The following ARAP2 variants were observed in gnomAD, a reference collection of about 807,000 sequenced individuals.
ARAP2 encodes arf-GAP with Rho-GAP domain, ANK repeat and PH domain-containing protein 2.
A neutral mutation model predicts 194.5 loss-of-function variants in ARAP2; 148 were observed. That is an observed-to-expected ratio of 0.76 (90% CI 0.67 to 0.87). The LOEUF (loss-of-function observed/expected upper bound fraction) is 0.87, where lower values mean the gene tolerates loss of function less well. Among genes scored for constraint, ARAP2 ranks in the 40% least tolerant of loss-of-function variants. ARAP2 has a pLI of 0.00. For missense variants in ARAP2, 2,128 were observed against 1,989.7 expected (o/e 1.07, Z -1.32); for synonymous variants, 695 against 683.5 (o/e 1.02, Z -0.26).
chr4:36,158,427 T>C (rs1479579226), intron 15 of ARAP2, among the ~76,000 whole-genome samples: 1 of 152,138 alleles, frequency 6.6e-6, no homozygotes, highest in Non-Finnish European at 1.5e-5. Context: ...GGGGTGTCCA[T>C]CCCTAAGGAA....
downstream of ARAP2, chr4:36,065,959 CAAT>C (rs906664967): frequency 2.0e-5 from 3 of 152,182 alleles, no homozygotes; most frequent in African/African-American, 7.2e-5. Flanking sequence ...ATCTATTTCA[CAAT>C]AACAACCTTC....
intron 5 of ARAP2, among the ~76,000 whole-genome samples, chr4:36,028,784 T>C (rs538054646): frequency 4.3e-4 from 65 of 152,090 alleles, no homozygotes; most frequent in African/African-American, 1.5e-3. Context: ...ATCTCCTTGG[T>C]TGGTTATTTT....
intron 5 of ARAP2, among the ~76,000 whole-genome samples, chr4:36,026,802 T>C (rs1464419452): frequency 6.6e-6 from 1 of 152,246 alleles, no homozygotes; most frequent in African/African-American, 2.4e-5. Flanking sequence ...AGGCACTTTC[T>C]TGAGCTGAGA....
chr4:36,068,434 T>C (rs1726023662), intron 32 of ARAP2, among the ~76,000 whole-genome samples, 156 bp from the exon 33 acceptor site: 1 of 152,234 alleles, frequency 6.6e-6, no homozygotes, highest in Non-Finnish European at 1.5e-5. Context: ...CATGTCTGAA[T>C]TTATATACTA....
chr4:36,187,359 T>G (rs566218610), intron 8 of ARAP2, 92 bp downstream of exon 8: 60 of 654,656 alleles, frequency 9.2e-5, no homozygotes, highest in Non-Finnish European at 1.3e-4. Context: ...GTAATATATT[T>G]AAAGGTTTCT....
chr4:36,107,606 A>G lies in ARAP2; in HGVS notation c.4244T>C (p.Val1415Ala), dbSNP rs1437348255. Reference sequence around the variant, plus strand: ...TGTGTCAGCGGTTAAGAATCTCTTCACCACCAGGTAAGCAGAGCCAGGTTC... The same window carrying G: ...TGTGTCAGCGGTTAAGAATCTCTTCGCCACCAGGTAAGCAGAGCCAGGTTC... ...LAEPGSAYLV[V>A]KRFLTADTIK... Residue 1415 changes from valine to alanine, a missense_variant, in exon 27 of 33, where the codon GTG (valine) becomes GCG (alanine). By Grantham distance (64) the Val-to-Ala change is moderately conservative. Coordinates refer to ENST00000303965, the MANE Select transcript of ARAP2 (RefSeq NM_015230.4). The G allele has an allele frequency of 2.5e-6, 4 of 1,610,812 alleles. No homozygotes were observed. The highest frequency in any genetic ancestry group is 3.4e-6 in the Non-Finnish European group (4 of 1,178,144).
At chr4:36,226,000 T>C (rs1002834863) in intron 2 of ARAP2, among the ~76,000 whole-genome samples, 2 of 152,212 alleles carry the variant, frequency 1.3e-5, no homozygotes, top group Non-Finnish European at 2.9e-5. Context: ...ATTTGCAACA[T>C]AGGGAAGGAG....
chr4:36,120,725 C>T (rs1352632766), intron 23 of ARAP2, among the ~76,000 whole-genome samples: 1 of 151,544 alleles, frequency 6.6e-6, no homozygotes, highest in East Asian at 1.9e-4. Context: ...AAACAGATGA[C>T]TTAGTAAAAC....
intron 8 of ARAP2, among the ~76,000 whole-genome samples, chr4:36,014,007 G>A (rs1253006411): frequency 1.3e-5 from 2 of 151,824 alleles, no homozygotes; most frequent in Admixed American, 6.6e-5. Flanking sequence ...CAGGCAGATC[G>A]CTTGAGCCCA....
intron 19 of ARAP2, among the ~76,000 whole-genome samples, chr4:36,139,146 GTTT>G (rs1727598123): frequency 1.3e-5 from 2 of 151,560 alleles, no homozygotes; most frequent in Non-Finnish European, 3.0e-5. Context: ...TTATAATTGA[GTTT>G]TTAACTTATA....
chr4:36,040,026 G>A (rs945560742), intron 5 of ARAP2, among the ~76,000 whole-genome samples: 1 of 152,184 alleles, frequency 6.6e-6, no homozygotes, highest in East Asian at 1.9e-4. Context: ...CATAGCTAGA[G>A]GGATTTGTAT....
intron 27 of ARAP2, among the ~76,000 whole-genome samples, chr4:36,102,840 A>C (rs1717354046): frequency 6.6e-6 from 1 of 151,966 alleles, no homozygotes; most frequent in African/African-American, 2.4e-5. Context: ...CAAATTTACC[A>C]ATAGGGTTTC....
intron 19 of ARAP2, among the ~76,000 whole-genome samples, chr4:36,146,098 C>G (rs926364599): frequency 6.6e-6 from 1 of 151,996 alleles, no homozygotes; most frequent in Non-Finnish European, 1.5e-5. Flanking sequence ...AAAAACAGCA[C>G]CATAATTCAG....
chr4:36,105,473 G>A (rs1240659971), intron 27 of ARAP2, among the ~76,000 whole-genome samples: 1 of 151,912 alleles, frequency 6.6e-6, no homozygotes, highest in Non-Finnish European at 1.5e-5. Flanking sequence ...AGATCTTACA[G>A]AGGCTTGATG....
At position 36,205,641 on chromosome 4, in the gene ARAP2, A is replaced by G. The variant is rs181584889; in HGVS notation, c.1487+4749T>C. 4.9e-3 allele frequency among the ~76,000 whole-genome samples: 741 copies of G among 152,174 alleles called. 7 individuals carry two copies. The highest frequency in any genetic ancestry group is 0.032 in the South Asian group (153 of 4,824). On this transcript the variant is annotated intron_variant, in intron 6 of 32. Transcript: ENST00000303965. ...GAAAATCGAGGTTTATTGAGCATCA[A>G]TTAAGAGTGAGGCCCAAAGTTACCT... is the stretch of plus-strand genomic sequence containing the variant.
At chr4:36,183,085 A>G (rs1015969550) in intron 8 of ARAP2, among the ~76,000 whole-genome samples, 7 of 152,178 alleles carry the variant, frequency 4.6e-5, no homozygotes, top group African/African-American at 1.7e-4. Flanking sequence ...ACATTACGTC[A>G]GAAACTTCCA....
intron 2 of ARAP2, among the ~76,000 whole-genome samples, chr4:36,226,008 G>A (rs556299564): frequency 6.6e-6 from 1 of 152,030 alleles, no homozygotes; most frequent in South Asian, 2.1e-4. Context: ...CATAGGGAAG[G>A]AGCACAAGGA....
intron 8 of ARAP2, among the ~76,000 whole-genome samples, chr4:36,013,176 G>T (rs548216313): frequency 1.3e-5 from 2 of 152,112 alleles, no homozygotes; most frequent in Non-Finnish European, 2.9e-5. Context: ...TGTGGCCCTT[G>T]TCTATGACCA....
chr4:36,068,336 G>A, intron 32 of ARAP2, 58 bp from the exon 33 acceptor site: 1 of 1,483,012 alleles, frequency 6.7e-7, no homozygotes, highest in South Asian at 1.4e-5. Flanking sequence ...TTTAGGTTTA[G>A]AAAGTGCAAT....
Sources: allele counts gnomAD v4.1 joint callset (sites outside exome capture counted in the v4.1 genomes callset), GRCh38; gene constraint gnomAD v4.1.1; transcripts MANE v1.5; gene names NCBI Gene and HGNC (gene_info 2026-07-23, HGNC 2026-07-21).